The following GALNTL6 variants were observed in gnomAD, a reference collection of about 807,000 sequenced individuals.
The protein encoded by GALNTL6 is polypeptide N-acetylgalactosaminyltransferase like 6, also known as polypeptide N-acetylgalactosaminyltransferase-like 6.
A neutral mutation model predicts 73.7 loss-of-function variants in GALNTL6; 46 were observed. The ratio of observed to expected loss-of-function variants is 0.62; its 90% CI spans 0.49 to 0.80. The LOEUF (loss-of-function observed/expected upper bound fraction) is 0.80, where lower values mean the gene tolerates loss of function less well. GALNTL6 is among the 30% of genes least tolerant of loss of function. The pLI, the probability that GALNTL6 is intolerant of heterozygous loss-of-function variation, is 0.00. For synonymous variants in GALNTL6, 259 were observed against 263.7 expected (o/e 0.98, Z 0.17); for missense variants, 604 against 755.0 (o/e 0.80, Z 2.34).
intron 7 of GALNTL6, among the ~76,000 whole-genome samples, chr4:172,847,772 CT>C (rs1199083853): frequency 1.3e-5 from 2 of 152,132 alleles, no homozygotes; most frequent in Admixed American, 1.3e-4. Context: ...TATTGCCTCA[CT>C]TTTTTGAGGG....
chr4:171,974,516 G>T (rs1289910302), intron 2 of GALNTL6, among the ~76,000 whole-genome samples: 1 of 152,016 alleles, frequency 6.6e-6, no homozygotes, highest in Non-Finnish European at 1.5e-5. Context: ...TAATGATAAG[G>T]TTATTTATAA....
intron 5 of GALNTL6, among the ~76,000 whole-genome samples, chr4:172,353,519 A>T (rs1046468088): frequency 9.2e-5 from 14 of 152,154 alleles, no homozygotes; most frequent in African/African-American, 2.9e-4. Flanking sequence ...TTTTCCAAAA[A>T]TTGTAGACAT....
At chr4:172,086,173 T>C (rs1732026240) in intron 2 of GALNTL6, among the ~76,000 whole-genome samples, 1 of 152,142 alleles carries the variant, frequency 6.6e-6, no homozygotes, top group East Asian at 1.9e-4. Context: ...AATAATTTAT[T>C]AACCTTTATG....
intron 2 of GALNTL6, among the ~76,000 whole-genome samples, chr4:172,081,317 A>G (rs1237594994): frequency 6.6e-6 from 1 of 152,204 alleles, no homozygotes; most frequent in Non-Finnish European, 1.5e-5. Flanking sequence ...TTAGTAAAGA[A>G]CTACAAACCT....
At chr4:172,040,070 G>A (rs1196940091) in intron 2 of GALNTL6, among the ~76,000 whole-genome samples, 2 of 152,056 alleles carry the variant, frequency 1.3e-5, no homozygotes, top group East Asian at 3.9e-4. Context: ...ATTATAGTGT[G>A]CAACATACTT....
chr4:172,623,790 T>A (rs1052366889), intron 5 of GALNTL6, among the ~76,000 whole-genome samples: 4 of 152,174 alleles, frequency 2.6e-5, no homozygotes, highest in Non-Finnish European at 5.9e-5. Flanking sequence ...TGAACTAGGT[T>A]TTGGTCTGGA....
At chr4:172,246,341 T>C (rs1737658151) in intron 3 of GALNTL6, among the ~76,000 whole-genome samples, 2 of 152,186 alleles carry the variant, frequency 1.3e-5, no homozygotes, top group African/African-American at 2.4e-5. Flanking sequence ...TAGATAATCA[T>C]TGGGATACCA....
At chr4:172,807,146 T>C (rs1741010332) in intron 5 of GALNTL6, among the ~76,000 whole-genome samples, 1 of 152,212 alleles carries the variant, frequency 6.6e-6, no homozygotes. Flanking sequence ...GAATCTTTCT[T>C]GGCAGCTTGC....
At chr4:172,859,785 A>C (rs1041563194) in intron 7 of GALNTL6, among the ~76,000 whole-genome samples, 2 of 152,160 alleles carry the variant, frequency 1.3e-5, no homozygotes, top group African/African-American at 4.8e-5. Context: ...CAGCAGCAGC[A>C]TTAGATTCTC....
intron 2 of GALNTL6, among the ~76,000 whole-genome samples, chr4:171,986,817 G>C (rs112910973): frequency 0.012 from 1,887 of 152,294 alleles, 44 homozygotes; most frequent in African/African-American, 0.041. Flanking sequence ...CATCTGATTA[G>C]AGAGTGCCTA....
intron 2 of GALNTL6, chr4:172,052,594 T>G: frequency 9.2e-7 from 1 of 1,089,438 alleles, no homozygotes; most frequent in Non-Finnish European, 1.3e-6. Flanking sequence ...GTTCGTCTCA[T>G]GGACGCTTGT....
rs1241744612 is a variant in GALNTL6, at chr4:172,700,078, G to A, written c.554-109283G>A. On this transcript the variant is annotated intron_variant, in intron 5 of 12. Coordinates refer to ENST00000506823, the MANE Select transcript of GALNTL6 (RefSeq NM_001034845.3). ...GAGAAATTCTGAAAGTTTGAAACAA[G>A]TAAGCAGTTTTAAAAAAACTACCAA... is the stretch of plus-strand genomic sequence containing the variant. 3.9e-5 allele frequency among the ~76,000 whole-genome samples: 6 copies of A among 152,030 alleles called. No homozygotes were observed. The East Asian group carries it at 1.2e-3, about 29-fold the overall frequency.
At chr4:172,665,786 A>G (rs577520837) in intron 5 of GALNTL6, among the ~76,000 whole-genome samples, 17 of 152,268 alleles carry the variant, frequency 1.1e-4, no homozygotes, top group African/African-American at 4.1e-4. Context: ...CATTATTTCT[A>G]TGTTACTTGT....
At chr4:173,016,192 T>C (rs1447719459) in intron 11 of GALNTL6, among the ~76,000 whole-genome samples, 5 of 152,240 alleles carry the variant, frequency 3.3e-5, no homozygotes, top group Non-Finnish European at 5.9e-5. Flanking sequence ...TGGGATCCTC[T>C]TGGAGAACCT....
chr4:172,009,258 G>A (rs1740930373), intron 2 of GALNTL6, among the ~76,000 whole-genome samples: 1 of 152,058 alleles, frequency 6.6e-6, no homozygotes. Flanking sequence ...GGGTAGAATT[G>A]TGATTAGCAT....
At chr4:172,758,768 A>G (rs1737899071) in intron 5 of GALNTL6, among the ~76,000 whole-genome samples, 1 of 152,226 alleles carries the variant, frequency 6.6e-6, no homozygotes, top group Admixed American at 6.5e-5. Context: ...CCCTTGGTCC[A>G]GCATATCCAT....
At chr4:171,910,395 G>A (rs917361526) in intron 2 of GALNTL6, among the ~76,000 whole-genome samples, 2 of 151,956 alleles carry the variant, frequency 1.3e-5, no homozygotes, top group Admixed American at 1.3e-4. Context: ...ATAAAAAAAA[G>A]ACCCAAAACC....
chr4:173,032,350 C>T (rs1753498792), intron 12 of GALNTL6, among the ~76,000 whole-genome samples: 1 of 151,862 alleles, frequency 6.6e-6, no homozygotes, highest in Admixed American at 6.6e-5. Flanking sequence ...ACTCGGGAGG[C>T]TGAGGCAGGA....
At chr4:172,381,654 A>G (rs970173229) in intron 5 of GALNTL6, among the ~76,000 whole-genome samples, 1 of 152,170 alleles carries the variant, frequency 6.6e-6, no homozygotes, top group African/African-American at 2.4e-5. Context: ...TGGATATATC[A>G]CATCTGTGTT....
Sources: gnomAD v4.1 joint callset for allele counts (sites outside exome capture counted in the v4.1 genomes callset) on GRCh38, gnomAD v4.1.1 for gene constraint, MANE v1.5 for transcripts, NCBI Gene and HGNC (gene_info 2026-07-23, HGNC 2026-07-21) for gene names.